Variants in DNAJC11 observed in about 807,000 individuals in gnomAD.
DNAJC11 encodes the protein DnaJ heat shock protein family (Hsp40) member C11.
DNAJC11 carries 15 observed loss-of-function variants against 78.6 expected under a neutral mutation model. The ratio of observed to expected loss-of-function variants is 0.19; its 90% confidence interval spans 0.13 to 0.29. The LOEUF is 0.29. Ranked by LOEUF, DNAJC11 falls within the 10% of genes least tolerant of loss-of-function variation. The pLI, the probability that DNAJC11 is intolerant of heterozygous loss-of-function variation, is 1.00. For synonymous variants in DNAJC11, 292 were observed against 272.1 expected (o/e 1.07, Z -0.72); for missense variants, 547 against 709.6 (o/e 0.77, Z 2.60).
intron 3 of DNAJC11, among the ~76,000 whole-genome samples, chr1:6,672,216 C>T (rs141193387): frequency 9.7e-4 from 148 of 152,244 alleles, no homozygotes; most frequent in African/African-American, 3.1e-3. Context: ...AAGTTTGATT[C>T]GCCATAACTT....
At chr1:6,639,204 C>A (rs1641833924) in intron 11 of DNAJC11, among the ~76,000 whole-genome samples, 1 of 135,216 alleles carries the variant, frequency 7.4e-6, no homozygotes, top group Admixed American at 7.3e-5. Flanking sequence ...CTGTGACTTT[C>A]AAGACTCTAG....
chr1:6,635,615 AT>A lies in DNAJC11; in HGVS notation c.*59del, dbSNP rs1241315609. The A allele has an allele frequency of 1.3e-6, 2 of 1,582,872 alleles. No individual in the cohort carries two copies. The highest frequency in any genetic ancestry group is 3.6e-5 in the Admixed American group (2 of 56,010). ...GATGTCTGGGTTTTTTCATTTCCAA[AT>A]TTGTAGACTCCCAGGAAAAGATTTT... On this transcript the variant is annotated 3_prime_UTR_variant, in exon 16 of 16. Coordinates refer to ENST00000377577, the MANE Select transcript of DNAJC11 (RefSeq NM_018198.4).
intron 7 of DNAJC11, among the ~76,000 whole-genome samples, chr1:6,647,080 CTTTTTTTT>C (rs70981396): frequency 3.2e-5 from 3 of 95,032 alleles, no homozygotes; most frequent in East Asian, 5.7e-4. Context: ...CTGGACAGGT[CTTTTTTTT>C]TTTTTTTTTT....
At chr1:6,643,667 A>C (rs1641919805) in intron 10 of DNAJC11, among the ~76,000 whole-genome samples, 1 of 152,112 alleles carries the variant, frequency 6.6e-6, no homozygotes, top group Admixed American at 6.6e-5. Context: ...ACCCCTGGTG[A>C]GAGGGATGAA....
chr1:6,669,578 G>GAAAAGAAAAGAAAAGAAA (rs1557480334), intron 3 of DNAJC11, among the ~76,000 whole-genome samples: 1 of 135,128 alleles, frequency 7.4e-6, no homozygotes, highest in African/African-American at 2.8e-5. Context: ...AAGAAAAGAA[G>GAAAAGAAAAGAAAAGAAA]GCATTTCAAT....
chr1:6,657,291 G>A (rs1642141586), intron 4 of DNAJC11, among the ~76,000 whole-genome samples: 1 of 152,208 alleles, frequency 6.6e-6, no homozygotes, highest in African/African-American at 2.4e-5. Context: ...CCCAGAGACT[G>A]CTGTTGGCAA....
At chr1:6,672,905 G>C (rs1419045944) in intron 3 of DNAJC11, among the ~76,000 whole-genome samples, 2 of 152,110 alleles carry the variant, frequency 1.3e-5, no homozygotes, top group East Asian at 3.9e-4. Flanking sequence ...GCTGTTCACT[G>C]GAGCATTCAC....
chr1:6,701,734 T>C lies in DNAJC11; in HGVS notation c.67A>G (p.Arg23Gly). The change falls in exon 1 of 16, where the codon AGG becomes GGG. Residue 23 changes from arginine (R) to glycine (G), a missense_variant. Arg to Gly is a moderately radical substitution (Grantham distance 125). Coordinates refer to ENST00000377577, the MANE Select transcript of DNAJC11 (RefSeq NM_018198.4). ...CGTCCAGCCGCTGGCCTCACCTCCC[T>C]GCGCACGTTCAGCAACGAGTAATAG... is the stretch of plus-strand genomic sequence containing the variant. Reference protein sequence around the residue: ...EDYYSLLNVRREASSEELKAA... With the variant: ...EDYYSLLNVRGEASSEELKAA... 2 of 1,559,840 alleles carry C rather than the reference T, an allele frequency of 1.3e-6. No homozygotes were observed. The highest frequency in any genetic ancestry group is 2.6e-5 in the East Asian group (1 of 38,858).
chr1:6,636,791 G>C (rs550861542), intron 14 of DNAJC11, among the ~76,000 whole-genome samples: 25 of 152,290 alleles, frequency 1.6e-4, no homozygotes, highest in African/African-American at 5.5e-4. Context: ...TGACGGCAAA[G>C]ATCCCACTTT....
intron 3 of DNAJC11, among the ~76,000 whole-genome samples, chr1:6,668,587 C>T (rs890713198): frequency 3.9e-5 from 6 of 152,138 alleles, no homozygotes; most frequent in Non-Finnish European, 2.9e-5. Context: ...CTCGAGCTGT[C>T]GGGTCTAGGT....
chr1:6,642,416 A>G (rs977368803), intron 10 of DNAJC11, among the ~76,000 whole-genome samples: 3 of 152,190 alleles, frequency 2.0e-5, no homozygotes, highest in African/African-American at 7.2e-5. Flanking sequence ...TGGGGATACA[A>G]TTTTGGAGTA....
chr1:6,690,044 C>G (rs754296601), intron 1 of DNAJC11, among the ~76,000 whole-genome samples: 1 of 152,130 alleles, frequency 6.6e-6, no homozygotes, highest in Admixed American at 6.5e-5. Context: ...TCCCGAGGAT[C>G]GGAAAGATCA....
Position 6,695,627 on chromosome 1 carries a change from T to TAAA in DNAJC11, c.72+6099_72+6101dup, listed in dbSNP as rs70984004. ...CAACATAGTGAAACCCTATCTCTAC[T>TAAA]AAAAAAAAAAAAAAAAAAAAAAAAA... On this transcript the variant is annotated intron_variant, in intron 1 of 15. Transcript: ENST00000377577. Among the ~76,000 whole-genome samples the TAAA allele has an allele frequency of 1.2e-3, 96 of 83,000 alleles. 6 individuals are homozygous for TAAA. The highest frequency in any genetic ancestry group is 1.7e-3 in the African/African-American group (39 of 22,468). 54.5% of individuals were successfully genotyped at this position (83,000 alleles called of 152,430 possible). A position where few individuals can be genotyped will look rare whatever the true frequency, so the allele number is the denominator to read the frequency against.
Position 6,651,248 on chromosome 1 carries a change from A to G in DNAJC11, c.704+281T>C, listed in dbSNP as rs138080017. On this transcript the variant is annotated intron_variant, in intron 7 of 15. Transcript: ENST00000377577. The stretch of plus-strand genomic sequence containing the variant: ...CCACTGACCAACTCTCCCTGAAGGC[A>G]CTCTTTCTCCGTGGCCTTGTGGCAT... 69 of 633,604 alleles carry G rather than the reference A, an allele frequency of 1.1e-4. No homozygotes were observed. The East Asian group carries it at 2.3e-3, about 21-fold the overall frequency. 39.2% of individuals were successfully genotyped at this position (633,604 alleles called of 1,614,324 possible).
chr1:6,695,755 C>T (rs1214270980), intron 1 of DNAJC11, among the ~76,000 whole-genome samples: 4 of 149,730 alleles, frequency 2.7e-5, no homozygotes, highest in Non-Finnish European at 4.4e-5. Context: ...TTGCAGTGAG[C>T]TGAGATTGCG....
At chr1:6,700,661 A>G (rs879919828) in intron 1 of DNAJC11, among the ~76,000 whole-genome samples, 1 of 152,212 alleles carries the variant, frequency 6.6e-6, no homozygotes, top group Non-Finnish European at 1.5e-5. Context: ...ATTAAATGAG[A>G]TAACAGTACA....
At chr1:6,697,227 TAGA>T (rs1642851438) in intron 1 of DNAJC11, among the ~76,000 whole-genome samples, 1 of 152,162 alleles carries the variant, frequency 6.6e-6, no homozygotes, top group East Asian at 1.9e-4. Flanking sequence ...ACAGGAAATC[TAGA>T]AGGAGAATCA....
In DNAJC11 at chr1:6,662,121, G is replaced by GTT. The variant is rs1185007632; in HGVS notation, c.378+5586_378+5587dup. On this transcript the variant is annotated intron_variant, in intron 4 of 15. Transcript: ENST00000377577. ...AGCACGCCACCATGCCCAGTTAATT[G>GTT]TTTTTTGTTTTTTGTTTTTTTTTTT... Among the ~76,000 whole-genome samples the GTT allele has an allele frequency of 3.5e-3, 170 of 48,204 alleles. 1 individual carries two copies. The highest frequency in any genetic ancestry group is 8.6e-3 in the African/African-American group (140 of 16,360). 31.6% of individuals were successfully genotyped at this position (48,204 alleles called of 152,430 possible).
In DNAJC11 at chr1:6,666,385, CT is replaced by C. The variant is rs767579276; in HGVS notation, c.378+1323del. 7.4e-3 allele frequency among the ~76,000 whole-genome samples: 893 copies of C among 120,528 alleles called. 2 individuals carry two copies. Among genetic ancestry groups the C allele is most frequent in the African/African-American group, 0.024 (768 of 32,252 alleles). The allele number at this position is 120,528 out of a possible 152,430, so 79.1% of individuals were successfully genotyped here. On this transcript the variant is annotated intron_variant, in intron 4 of 15. Coordinates refer to ENST00000377577, the MANE Select transcript of DNAJC11 (RefSeq NM_018198.4). The stretch of plus-strand genomic sequence containing the variant: ...AGCATTTGTTTTTTTTCTTTCTTTT[CT>C]TTTTTTTTTTTTTTTTTTGAGATGG...
Sources: gnomAD v4.1 joint callset for allele counts (sites outside exome capture counted in the v4.1 genomes callset) on GRCh38, gnomAD v4.1.1 for gene constraint, MANE v1.5 for transcripts, NCBI Gene and HGNC (gene_info 2026-07-23, HGNC 2026-07-21) for gene names.